The following ENTPD2 variants were observed in gnomAD, a reference collection of about 807,000 sequenced individuals.
ENTPD2 encodes ectonucleoside triphosphate diphosphohydrolase 2.
ENTPD2 carries 48 observed loss-of-function variants against 46.8 expected under a neutral mutation model. The ratio of observed to expected loss-of-function variants is 1.03; its 90% confidence interval spans 0.81 to 1.30. The LOEUF (loss-of-function observed/expected upper bound fraction) is 1.30. ENTPD2 is among the 50% of genes most tolerant of loss of function. The pLI is 0.00. For synonymous variants in ENTPD2, 316 were observed against 286.1 expected, an observed-to-expected ratio of 1.10 and a Z score of -1.06; for missense variants, 707 against 651.1, an observed-to-expected ratio of 1.09 and a Z score of -0.93.
intron 1 of ENTPD2, chr9:137,052,920 G>GA (rs1832330859): frequency 6.6e-6 from 1 of 152,282 alleles, no homozygotes; most frequent in Non-Finnish European, 1.5e-5. Flanking sequence ...GCCAGGGCCA[G>GA]AGAGAGAGGC....
intron 1 of ENTPD2, 102 bp from the exon 2 acceptor site, chr9:137,052,450 C>CT (rs1040517130): frequency 9.1e-6 from 8 of 874,434 alleles, no homozygotes; most frequent in South Asian, 3.1e-5. Flanking sequence ...CCGCTCCCCC[C>CT]CCCACCCAGT....
chr9:137,048,709 A>G lies in ENTPD2; in HGVS notation c.1436T>C (p.Leu479Pro). ...GTGCACCTGACGCAGCAGCAGGACA[A>G]GCGCAGCCAGGAGCGCGGAGGCGAA... ...LLFASALLAA[L>P]VLLLRQVHSA... The change falls in exon 9 of 9, where the codon CTT becomes CCT. Residue 479 changes from leucine to proline, a missense_variant. Coordinates refer to ENST00000355097, the MANE Select transcript of ENTPD2 (RefSeq NM_203468.3). The G allele has an allele frequency of 6.2e-7, 1 of 1,606,544 alleles. No homozygotes were observed.
chr9:137,050,914 G>A lies in ENTPD2; in HGVS notation c.762C>T (p.Ala254=), dbSNP rs747820624. Residue 254 remains alanine (A), a synonymous_variant, in exon 5 of 9, where the codon GCC becomes GCT. Coordinates refer to ENST00000355097, the MANE Select transcript of ENTPD2 (RefSeq NM_203468.3). The part of the protein sequence containing the change: ...GRDQVLQRLL[A]SALQTHGFHP... The stretch of plus-strand genomic sequence containing the variant: ...GGTGGAGGGGCACCTGGAGGGCGCT[G>A]GCCAGCAGCCTCTGGAGGACCTGGT... The A allele has an allele frequency of 4.3e-6, 7 of 1,611,218 alleles. No homozygotes were observed. The African/African-American group carries it at 9.3e-5, about 22-fold the overall frequency.
At position 137,053,730 on chromosome 9, in the gene ENTPD2, C is replaced by A. The variant is rs1832346588; in HGVS notation, c.117+151G>T. 8.8e-6 allele frequency: 4 copies of A among 456,538 alleles called. No individual in the cohort carries two copies. The Admixed American group carries it at 1.4e-4, about 16-fold the overall frequency. The allele number at this position is 456,538 out of a possible 1,614,324, so 28.3% of individuals were successfully genotyped here. On this transcript the variant is annotated intron_variant, in intron 1 of 8. Transcript: ENST00000355097. ...GCGTACCCGGTCGGGGAGCGCAGAG[C>A]GCGGAACCCGGGACCCCACCCAGCC... is the stretch of plus-strand genomic sequence containing the variant.
chr9:137,048,914 G>GGCCCCCCCCC, intron 8 of ENTPD2, 27 bp downstream of exon 8: 2 of 1,472,012 alleles, frequency 1.4e-6, no homozygotes, highest in Non-Finnish European at 1.8e-6. Flanking sequence ...CGCAAGGTCG[G>GGCCCCCCCCC]CCCCGCCCCG....
chr9:137,049,111 C>A (rs1438113533), intron 7 of ENTPD2, 36 bp from the exon 8 acceptor site: 10 of 1,531,064 alleles, frequency 6.5e-6, no homozygotes, highest in Non-Finnish European at 4.4e-6. Flanking sequence ...GGCAGGCGAC[C>A]ACCAGGAGGT....
At chr9:137,053,699 C>T (rs1254582259) in intron 1 of ENTPD2, among the ~76,000 whole-genome samples, 182 bp downstream of exon 1, 2 of 152,088 alleles carry the variant, frequency 1.3e-5, no homozygotes, top group Admixed American at 6.5e-5. Flanking sequence ...GCCCCCCGCC[C>T]CCTCCGCGTA....
At chr9:137,048,900 G>C in intron 8 of ENTPD2, 40 bp from the exon 9 acceptor site, 5 of 1,478,514 alleles carry the variant, frequency 3.4e-6, no homozygotes, top group Non-Finnish European at 4.5e-6. Context: ...GAGAGGCCCC[G>C]CCCCGCAAGG....
intron 7 of ENTPD2, 106 bp downstream of exon 7, chr9:137,049,764 T>C (rs1832221004): frequency 7.6e-7 from 1 of 1,315,022 alleles, no homozygotes; most frequent in Non-Finnish European, 1.0e-6. Flanking sequence ...TCGCCCCCAC[T>C]GCAGCGGGTG....
rs1398844002 is a variant in ENTPD2, at chr9:137,049,627, G to A, written c.1149+243C>T. On this transcript the variant is annotated intron_variant, in intron 7 of 8. Transcript: ENST00000355097. ...GGCAGAAGCCAGAAACCTGGGCACC[G>A]GCCTCCCCCTGCCCTCCAGATCTGG... 4 of 510,994 alleles carry A rather than the reference G, an allele frequency of 7.8e-6. No individual in the cohort carries two copies. In the East Asian group the frequency reaches 1.1e-4, roughly 14 times the overall value. 31.7% of individuals were successfully genotyped at this position (510,994 alleles called of 1,614,324 possible). A position where few individuals can be genotyped will look rare whatever the true frequency, so the allele number is the denominator to read the frequency against.
chr9:137,052,672 T>G, intron 1 of ENTPD2: 1 of 182,500 alleles, frequency 5.5e-6, no homozygotes, highest in Non-Finnish European at 1.1e-5. Context: ...CAGGGACTTT[T>G]CCCTGGGGCA....
rs756047018 is a variant in ENTPD2, at chr9:137,052,332, T to G, written c.134A>C (p.Asp45Ala). ...CATGGACGTGTGTGAAGAACCAGCG[T>G]CCAGGACGATGCCATACTGCGGGGG... ...PPALKYGIVLDAGSSHTSMFI... is the reference protein window; with the variant it reads ...PPALKYGIVLAAGSSHTSMFI... The change falls in exon 2 of 9, where the codon GAC (aspartate) becomes GCC (alanine). Residue 45 changes from aspartate (D) to alanine (A), a missense_variant. By Grantham distance (126) the Asp-to-Ala change is moderately radical. Transcript: ENST00000355097. 1.4e-5 allele frequency: 17 copies of G among 1,219,390 alleles called. No homozygotes were observed. Among genetic ancestry groups the G allele is most frequent in the Non-Finnish European group, 1.7e-5 (15 of 874,620 alleles). 75.5% of individuals were successfully genotyped at this position (1,219,390 alleles called of 1,614,324 possible).
In ENTPD2 at chr9:137,050,341, G is replaced by A; in HGVS notation, c.972C>T (p.Pro324=). The A allele has an allele frequency of 1.2e-6, 2 of 1,612,766 alleles. No homozygotes were observed. The highest frequency in any genetic ancestry group is 1.3e-5 in the African/African-American group (1 of 74,924). The stretch of plus-strand genomic sequence containing the variant: ...CCCCATTGAAAGAGCATCGGGAGAA[G>A]GGGCAGGAGGAGAAGCTGAAGAGCC... ...VSGLFSFSSC[P]FSRCSFNGVF... Residue 324 remains proline (P), a synonymous_variant, in exon 6 of 9, where the codon CCC becomes CCT. Coordinates refer to ENST00000355097, the MANE Select transcript of ENTPD2 (RefSeq NM_203468.3).
At chr9:137,049,185 G>C (rs777952982) in intron 7 of ENTPD2, 110 bp from the exon 8 acceptor site, 15 of 1,506,030 alleles carry the variant, frequency 1.0e-5, no homozygotes, top group Non-Finnish European at 1.3e-5. Context: ...CACACGGGCC[G>C]TGCGAGGCCA....
intron 1 of ENTPD2, chr9:137,052,903 C>T (rs1488444540): frequency 1.3e-5 from 2 of 152,364 alleles, no homozygotes; most frequent in Non-Finnish European, 1.5e-5. Context: ...TCTCCCTAGG[C>T]CTCCAAGCCA....
In ENTPD2 at chr9:137,050,426, C is replaced by G. The variant is rs774134020; in HGVS notation, c.887G>C (p.Ser296Thr). 6.2e-7 allele frequency: 1 copy of G among 1,612,992 alleles called. No individual in the cohort carries two copies. Among genetic ancestry groups the G allele is most frequent in the Non-Finnish European group, 8.5e-7 (1 of 1,180,010 alleles). Residue 296 changes from serine (S) to threonine (T), a missense_variant, in exon 6 of 9, where the codon AGT becomes ACT. Ser to Thr is a moderately conservative substitution (Grantham distance 58, BLOSUM62 1). Transcript: ENST00000355097. ...GCTCCCTGACAGGCTGACCCTGGCA[C>G]TGCTGTTGAAGTTCTGGGGCCGCTG... Reference protein sequence around the residue: ...MAQRPQNFNSSARVSLSGSSD... With the variant: ...MAQRPQNFNSTARVSLSGSSD...
chr9:137,052,253 C>T lies in ENTPD2; in HGVS notation c.213G>A (p.Gln71=), dbSNP rs764690641. 1.9e-6 allele frequency: 3 copies of T among 1,612,652 alleles called. No individual in the cohort carries two copies. The South Asian group carries it at 3.3e-5, about 18-fold the overall frequency. ...CACCTGGAACATCACAGGAGCTGTG[C>T]TGGCCCACAATGCCTGTGTCGTTCT... ...DKENDTGIVG[Q]HSSCDVPGGG... is the part of the protein sequence containing the mutation. Residue 71 remains glutamine, a synonymous_variant, in exon 2 of 9, where the codon CAG becomes CAA. Transcript: ENST00000355097.
Position 137,051,494 on chromosome 9 carries a change from G to A in ENTPD2, c.386+16C>T. 1 of 1,579,628 alleles carries A rather than the reference G, an allele frequency of 6.3e-7. No individual in the cohort carries two copies. Among genetic ancestry groups the A allele is most frequent in the Non-Finnish European group, 8.6e-7 (1 of 1,161,288 alleles). ...AGGCCATCATGGGGACAGGGCCAGG[G>A]CACAGGCACACTCACTTGAGCAGGC... On this transcript the variant is annotated intron_variant, in intron 3 of 8. Transcript: ENST00000355097.
intron 5 of ENTPD2, 137 bp downstream of exon 5, chr9:137,050,765 T>C: frequency 7.7e-7 from 1 of 1,297,108 alleles, no homozygotes; most frequent in East Asian, 2.4e-5. Context: ...GGGCCTTTGC[T>C]CATGCTCTGA....
Sources: gnomAD v4.1 joint callset for allele counts (sites outside exome capture counted in the v4.1 genomes callset) on GRCh38, gnomAD v4.1.1 for gene constraint, MANE v1.5 for transcripts, NCBI Gene and HGNC (gene_info 2026-07-23, HGNC 2026-07-21) for gene names.